Variants in CACNA2D3 observed in about 807,000 individuals in gnomAD.
The protein encoded by CACNA2D3 is voltage-dependent calcium channel subunit alpha-2/delta-3.
In CACNA2D3, 60 loss-of-function variants were observed where a neutral mutation model predicts 160.6. The observed-to-expected ratio is 0.37, with a 90% CI of 0.30 to 0.46. CACNA2D3 has a LOEUF of 0.46. Among genes scored for constraint, CACNA2D3 ranks in the 20% least tolerant of loss-of-function variants. CACNA2D3 has a pLI of 1.00. For synonymous variants in CACNA2D3, 558 were observed against 492.9 expected, an observed-to-expected ratio of 1.13 and a Z score of -1.75; for missense variants, 1,205 against 1,365.0, an observed-to-expected ratio of 0.88 and a Z score of 1.85.
intron 2 of CACNA2D3, among the ~76,000 whole-genome samples, chr3:54,288,556 T>G (rs887381264): frequency 3.9e-5 from 6 of 152,128 alleles, no homozygotes; most frequent in African/African-American, 1.2e-4. Context: ...GAGGGAATCC[T>G]CCCTAACTCA....
chr3:54,899,986 A>C (rs141997070), intron 27 of CACNA2D3, 118 bp downstream of exon 27: 1 of 692,608 alleles, frequency 1.4e-6, no homozygotes, highest in Middle Eastern at 2.4e-4. Flanking sequence ...GGAGAAAACA[A>C]TTTTAAATTA....
intron 2 of CACNA2D3, among the ~76,000 whole-genome samples, chr3:54,315,379 G>A (rs868275778): frequency 2.6e-5 from 4 of 152,184 alleles, no homozygotes; most frequent in Admixed American, 1.3e-4. Flanking sequence ...GTAAACTGCC[G>A]CAGCCCCTGT....
chr3:54,315,210 C>T (rs1703833818), intron 2 of CACNA2D3, among the ~76,000 whole-genome samples: 1 of 152,158 alleles, frequency 6.6e-6, no homozygotes, highest in South Asian at 2.1e-4. Flanking sequence ...CCAGGGCCCC[C>T]TCCAGAATGG....
At chr3:54,929,526 C>T (rs1240833218) in intron 27 of CACNA2D3, among the ~76,000 whole-genome samples, 1 of 152,174 alleles carries the variant, frequency 6.6e-6, no homozygotes, top group Non-Finnish European at 1.5e-5. Flanking sequence ...TGGACTCTTT[C>T]ATCCTTTGGC....
At position 54,562,852 on chromosome 3, in the gene CACNA2D3, T is replaced by C. The variant is rs751930134; in HGVS notation, c.597T>C (p.Phe199=). Residue 199 remains phenylalanine, a synonymous_variant, in exon 6 of 38, where the codon TTT becomes TTC. Transcript: ENST00000474759. The part of the protein sequence containing the change: ...VYWSESLNKV[F]VDNFDRDPSL... Reference sequence around the variant, plus strand: ...GGTCTGAATCTCTAAACAAAGTTTTTGTAGATAACTTTGACCGTGACCCAT... The same window carrying C: ...GGTCTGAATCTCTAAACAAAGTTTTCGTAGATAACTTTGACCGTGACCCAT... 9 of 1,612,440 alleles carry C rather than the reference T, an allele frequency of 5.6e-6. No homozygotes were observed. The highest frequency in any genetic ancestry group is 2.2e-5 in the South Asian group (2 of 91,036).
chr3:54,904,921 C>A (rs1034823427), intron 27 of CACNA2D3, among the ~76,000 whole-genome samples: 15 of 151,968 alleles, frequency 9.9e-5, no homozygotes, highest in African/African-American at 3.6e-4. Context: ...GTTTTGTGTC[C>A]CATCCCAAAA....
intron 4 of CACNA2D3, among the ~76,000 whole-genome samples, chr3:54,392,459 C>G (rs1174818775): frequency 2.0e-5 from 3 of 152,202 alleles, no homozygotes; most frequent in African/African-American, 7.2e-5. Context: ...GTGTATCCTG[C>G]AGAAGCTTTT....
rs1367817073 is a variant in CACNA2D3, at chr3:54,131,650, T to C, written c.204+8056T>C. Reference sequence around the variant, plus strand: ...AAGAGAGACTTGGAATTTTTGTCACTTTGATCCCATAATTAGTTCATAAAA... The same window carrying C: ...AAGAGAGACTTGGAATTTTTGTCACCTTGATCCCATAATTAGTTCATAAAA... On this transcript the variant is annotated intron_variant, in intron 2 of 37. Coordinates refer to ENST00000474759, the MANE Select transcript of CACNA2D3 (RefSeq NM_018398.3). Among the ~76,000 whole-genome samples, 6 of 152,230 alleles carry C rather than the reference T, an allele frequency of 3.9e-5. No homozygotes were observed. In the East Asian group the frequency reaches 1.2e-3, roughly 29 times the overall value.
rs1559590278 is a variant in CACNA2D3 at position 54,809,323 on chromosome 3, T to TCATTC, written c.1381-7530_1381-7529insCATTC. Among the ~76,000 whole-genome samples the TCATTC allele has an allele frequency of 1.5e-3, 167 of 110,474 alleles. 13 individuals carry two copies. The highest frequency in any genetic ancestry group is 6.6e-3 in the African/African-American group (152 of 23,114). 72.5% of individuals were successfully genotyped at this position (110,474 alleles called of 152,430 possible). On this transcript the variant is annotated intron_variant, in intron 13 of 37. Transcript: ENST00000474759. ...TCCTTCCTTCTTTCTTTTTTTTTTT[T>TCATTC]TTTTTTGAGACGGAGTCTCGCTCTG... is the stretch of plus-strand genomic sequence containing the variant.
chr3:54,792,191 C>G (rs144809866), intron 13 of CACNA2D3, among the ~76,000 whole-genome samples: 87 of 152,258 alleles, frequency 5.7e-4, no homozygotes, highest in African/African-American at 1.9e-3. Flanking sequence ...GGTGAGCAGG[C>G]AACTGATGCC....
At chr3:54,852,299 G>A (rs1699076201) in intron 17 of CACNA2D3, among the ~76,000 whole-genome samples, 3 of 152,188 alleles carry the variant, frequency 2.0e-5, no homozygotes, top group Admixed American at 1.3e-4. Flanking sequence ...TCACCCCTAC[G>A]CCATCTAGAC....
At chr3:54,391,531 G>A (rs35506425) in intron 4 of CACNA2D3, among the ~76,000 whole-genome samples, 67,542 of 146,194 alleles carry the variant, frequency 0.46, 16,187 homozygotes, top group Non-Finnish European at 0.54. Context: ...TTTTTTTTGA[G>A]ACAGAGTCTT....
chr3:54,249,666 C>CACACACGT (rs1230072109), intron 2 of CACNA2D3, among the ~76,000 whole-genome samples: 1 of 136,802 alleles, frequency 7.3e-6, no homozygotes, highest in African/African-American at 2.9e-5. Flanking sequence ...TTTACGTACA[C>CACACACGT]ACACACACAC....
intron 2 of CACNA2D3, among the ~76,000 whole-genome samples, chr3:54,154,051 G>T (rs1700197332): frequency 6.6e-6 from 1 of 152,174 alleles, no homozygotes; most frequent in Non-Finnish European, 1.5e-5. Flanking sequence ...ATGGGCATTT[G>T]TGTTGGCATG....
intron 2 of CACNA2D3, among the ~76,000 whole-genome samples, chr3:54,180,927 C>T (rs1700771504): frequency 6.6e-6 from 1 of 152,166 alleles, no homozygotes; most frequent in Non-Finnish European, 1.5e-5. Flanking sequence ...AGGAGGCTAC[C>T]TGATAGATGT....
At chr3:55,072,106 A>G (rs1424133532) in intron 35 of CACNA2D3, among the ~76,000 whole-genome samples, 2 of 152,254 alleles carry the variant, frequency 1.3e-5, no homozygotes, top group South Asian at 2.1e-4. Context: ...ATTAATTAGC[A>G]AAACAGCAAG....
intron 27 of CACNA2D3, among the ~76,000 whole-genome samples, chr3:54,922,738 C>T (rs115707638): frequency 0.015 from 2,320 of 152,154 alleles, 66 homozygotes; most frequent in African/African-American, 0.053. Flanking sequence ...AACGACTCCC[C>T]ATGGATATGT....
At chr3:54,610,656 T>A (rs1698734008) in intron 9 of CACNA2D3, among the ~76,000 whole-genome samples, 1 of 152,084 alleles carries the variant, frequency 6.6e-6, no homozygotes, top group Admixed American at 6.6e-5. Context: ...GGAGTTTCAC[T>A]CTCGTCACCC....
Position 54,372,896 on chromosome 3 carries a change from A to G in CACNA2D3, c.322-13819A>G, listed in dbSNP as rs115842763. Among the ~76,000 whole-genome samples, 1,000 of 152,350 alleles carry G rather than the reference A, an allele frequency of 6.6e-3. 11 individuals are homozygous for G. Among genetic ancestry groups the G allele is most frequent in the African/African-American group, 0.023 (957 of 41,576 alleles). On this transcript the variant is annotated intron_variant, in intron 3 of 37. Transcript: ENST00000474759. The stretch of plus-strand genomic sequence containing the variant: ...GAAAATGTCATTCCTTGAATTCGAG[A>G]GGAATGTGTGAGAATTAGAATGGAA...
Sources: allele counts gnomAD v4.1 joint callset (sites outside exome capture counted in the v4.1 genomes callset), GRCh38; gene constraint gnomAD v4.1.1; transcripts MANE v1.5; gene names NCBI Gene and HGNC (gene_info 2026-07-23, HGNC 2026-07-21).